Variants in PGCKA1 observed in about 807,000 individuals in gnomAD.
PGCKA1 encodes PDCD10 and GCKIII kinases-associated protein 1.
At chr4:37,459,794 T>G in the PGCKA1 span, among the ~76,000 whole-genome samples, 9 of 58,978 alleles carry the variant, frequency 1.5e-4, no homozygotes, top group East Asian at 5.4e-4. Context: ...GGAAGAGCTT[T>G]CTTTCTTTTT....
the PGCKA1 span, among the ~76,000 whole-genome samples, chr4:37,517,897 G>A: frequency 2.6e-5 from 4 of 151,904 alleles, no homozygotes; most frequent in East Asian, 3.9e-4. Context: ...CCCATCTCTC[G>A]CTCACATTCC....
chr4:37,511,108 C>T, the PGCKA1 span, among the ~76,000 whole-genome samples: 1 of 152,188 alleles, frequency 6.6e-6, no homozygotes, highest in South Asian at 2.1e-4. Context: ...GGGCAGCGGA[C>T]TTTTTCTATC....
chr4:37,559,753 TTC>T, the PGCKA1 span, among the ~76,000 whole-genome samples: 1 of 152,158 alleles, frequency 6.6e-6, no homozygotes, highest in South Asian at 2.1e-4. Flanking sequence ...TTCTCTTTAT[TTC>T]TCTCTGAGTC....
At chr4:37,490,963 C>G in the PGCKA1 span, among the ~76,000 whole-genome samples, 2 of 152,312 alleles carry the variant, frequency 1.3e-5, no homozygotes, top group Non-Finnish European at 2.9e-5. Context: ...ACCAAAATCA[C>G]ATAGATTCTA....
chr4:37,536,633 G>C, the PGCKA1 span, among the ~76,000 whole-genome samples: 2 of 152,168 alleles, frequency 1.3e-5, no homozygotes, highest in Admixed American at 1.3e-4. Flanking sequence ...ATCCTGTAGA[G>C]ATGGAGTCAG....
chr4:37,572,231 T>A, the PGCKA1 span, among the ~76,000 whole-genome samples: 2,605 of 151,078 alleles, frequency 0.017, 24 homozygotes, highest in Non-Finnish European at 0.027. Context: ...CCCGGCTAAT[T>A]TTTTGTATTT....
chr4:37,469,107 C>T, the PGCKA1 span, among the ~76,000 whole-genome samples: 9 of 152,204 alleles, frequency 5.9e-5, no homozygotes, highest in East Asian at 1.9e-4. Flanking sequence ...TAGTCACATG[C>T]GGTACAGATT....
chr4:37,538,413 T>C, the PGCKA1 span, among the ~76,000 whole-genome samples: 147,864 of 152,356 alleles, frequency 0.97, 71,924 homozygotes, highest in East Asian at 1. Flanking sequence ...CATTGGGGCA[T>C]CTGCAGATTC....
chr4:37,523,018 A>G, the PGCKA1 span, among the ~76,000 whole-genome samples: 1 of 152,074 alleles, frequency 6.6e-6, no homozygotes, highest in Non-Finnish European at 1.5e-5. Flanking sequence ...GTGCCCCCCA[A>G]GTCCTCCATC....
the PGCKA1 span, among the ~76,000 whole-genome samples, chr4:37,550,955 TTCAC>T: frequency 1.3e-5 from 2 of 152,014 alleles, no homozygotes; most frequent in Admixed American, 6.6e-5. Context: ...AAAGAAAAAA[TTCAC>T]TCATTCTGCA....
the PGCKA1 span, among the ~76,000 whole-genome samples, chr4:37,466,379 C>G: frequency 6.6e-6 from 1 of 152,178 alleles, no homozygotes; most frequent in Non-Finnish European, 1.5e-5. Flanking sequence ...TAAAAGCACA[C>G]TCATAAATTC....
chr4:37,525,076 T>C, the PGCKA1 span, among the ~76,000 whole-genome samples: 1 of 152,212 alleles, frequency 6.6e-6, no homozygotes, highest in African/African-American at 2.4e-5. Context: ...AAGCAGTTCT[T>C]TATTTCAACC....
the PGCKA1 span, among the ~76,000 whole-genome samples, chr4:37,556,890 G>C: frequency 1.1e-3 from 163 of 152,318 alleles, no homozygotes; most frequent in Middle Eastern, 3.4e-3. Context: ...ATAATCATGG[G>C]ACAATGTTTG....
At chr4:37,507,532 AAACT>A in the PGCKA1 span, among the ~76,000 whole-genome samples, 21 of 152,272 alleles carry the variant, frequency 1.4e-4, no homozygotes, top group Admixed American at 3.3e-4. Flanking sequence ...TAGCATAAAC[AAACT>A]AACAAAAAGA....
the PGCKA1 span, among the ~76,000 whole-genome samples, chr4:37,567,069 A>G: frequency 6.7e-6 from 1 of 149,872 alleles, no homozygotes; most frequent in Non-Finnish European, 1.5e-5. Context: ...GACAAAAAAA[A>G]ATAAAATAAA....
At chr4:37,456,161 C>G in the PGCKA1 span, among the ~76,000 whole-genome samples, 1 of 151,684 alleles carries the variant, frequency 6.6e-6, no homozygotes, top group East Asian at 1.9e-4. Flanking sequence ...AAGGGGTCAT[C>G]CTAGGGGAAG....
the PGCKA1 span, among the ~76,000 whole-genome samples, chr4:37,473,710 CT>C: frequency 2.0e-5 from 3 of 152,196 alleles, no homozygotes; most frequent in East Asian, 5.8e-4. Flanking sequence ...TGTCCCTGGT[CT>C]TTCTTCTCAC....
At chr4:37,478,971 T>C in the PGCKA1 span, among the ~76,000 whole-genome samples, 1 of 152,262 alleles carries the variant, frequency 6.6e-6, no homozygotes, top group East Asian at 1.9e-4. Context: ...GTAGCCTTTC[T>C]TCCTTCAGTA....
chr4:37,539,380 G>A, the PGCKA1 span, among the ~76,000 whole-genome samples: 1 of 152,172 alleles, frequency 6.6e-6, no homozygotes, highest in Non-Finnish European at 1.5e-5. Context: ...GTGGCAGCCG[G>A]GCGCGGTGGC....
Sources: gnomAD v4.1 joint callset for allele counts (sites outside exome capture counted in the v4.1 genomes callset) on GRCh38, gnomAD v4.1.1 for gene constraint, MANE v1.5 for transcripts, NCBI Gene and HGNC (gene_info 2026-07-23, HGNC 2026-07-21) for gene names.